The following PRKN variants were observed in gnomAD, a reference collection of about 807,000 sequenced individuals.
The protein encoded by PRKN is parkin RBR E3 ubiquitin protein ligase.
In PRKN, 56 loss-of-function variants were observed where a neutral mutation model predicts 59.5. That is an observed-to-expected ratio of 0.94 (90% CI 0.76 to 1.18). The LOEUF (loss-of-function observed/expected upper bound fraction) is 1.18, where lower values mean the gene tolerates loss of function less well. PRKN is among the 50% of genes most tolerant of loss of function. The pLI, the probability that PRKN is intolerant of heterozygous loss-of-function variation, is 0.00. For synonymous variants in PRKN, 250 were observed against 222.1 expected (o/e 1.13, Z -1.12); for missense variants, 657 against 596.4 (o/e 1.10, Z -1.06).
At chr6:162,089,590 T>G (rs1404875086) in intron 4 of PRKN, among the ~76,000 whole-genome samples, 1 of 152,128 alleles carries the variant, frequency 6.6e-6, no homozygotes, top group Non-Finnish European at 1.5e-5. Flanking sequence ...TCGTACATGA[T>G]CAGTAACAGC....
intron 2 of PRKN, among the ~76,000 whole-genome samples, chr6:162,283,523 A>G (rs1781020854): frequency 6.6e-6 from 1 of 152,176 alleles, no homozygotes; most frequent in African/African-American, 2.4e-5. Flanking sequence ...GTAGAGAAGC[A>G]TAGAGTGAAA....
intron 3 of PRKN, among the ~76,000 whole-genome samples, chr6:162,219,496 A>ATAC (rs1777841595): frequency 6.6e-6 from 1 of 152,144 alleles, no homozygotes; most frequent in South Asian, 2.1e-4. Context: ...TTTCTGCCAG[A>ATAC]GATGATTTTT....
chr6:161,351,146 AATAT>A (rs1339472459), intron 11 of PRKN, among the ~76,000 whole-genome samples: 2 of 129,302 alleles, frequency 1.5e-5, no homozygotes, highest in African/African-American at 5.8e-5. Context: ...TTATATTTAA[AATAT>A]ATATAAATAT....
intron 1 of PRKN, among the ~76,000 whole-genome samples, chr6:162,682,495 T>C (rs951821391): frequency 2.0e-5 from 3 of 152,068 alleles, no homozygotes; most frequent in African/African-American, 7.2e-5. Context: ...AGCAAATTAG[T>C]GCAAAAACAG....
At chr6:161,804,327 G>A (rs1791217495) in intron 6 of PRKN, among the ~76,000 whole-genome samples, 1 of 152,190 alleles carries the variant, frequency 6.6e-6, no homozygotes. Context: ...TGTGGACACT[G>A]ATAGGCAGGT....
chr6:161,422,455 T>C (rs962962390), intron 9 of PRKN, among the ~76,000 whole-genome samples: 5 of 152,098 alleles, frequency 3.3e-5, no homozygotes, highest in African/African-American at 1.2e-4. Context: ...TGCCTCGGCC[T>C]CCCAAAGTGC....
At chr6:161,500,881 T>C (rs920833146) in intron 9 of PRKN, among the ~76,000 whole-genome samples, 5 of 147,806 alleles carry the variant, frequency 3.4e-5, no homozygotes, top group Admixed American at 6.7e-5. Flanking sequence ...TTTTTCTTTT[T>C]TTTTTTTTTT....
At chr6:162,555,655 C>T (rs755565147) in intron 1 of PRKN, among the ~76,000 whole-genome samples, 1 of 151,878 alleles carries the variant, frequency 6.6e-6, no homozygotes, top group Non-Finnish European at 1.5e-5. Context: ...ATTTAAGTTT[C>T]ATCTATAAAT....
intron 2 of PRKN, among the ~76,000 whole-genome samples, chr6:162,418,155 C>A (rs1460431135): frequency 2.6e-5 from 4 of 152,052 alleles, no homozygotes; most frequent in Non-Finnish European, 5.9e-5. Context: ...TACATACATA[C>A]AATGGAATAT....
At chr6:162,661,144 C>G (rs1445636070) in intron 1 of PRKN, among the ~76,000 whole-genome samples, 1 of 151,926 alleles carries the variant, frequency 6.6e-6, no homozygotes, top group African/African-American at 2.4e-5. Flanking sequence ...GCCTGTAGTC[C>G]CAGCTACTCA....
chr6:162,617,595 G>C (rs972977174), intron 1 of PRKN, among the ~76,000 whole-genome samples: 2 of 138,720 alleles, frequency 1.4e-5, no homozygotes, highest in Non-Finnish European at 3.1e-5. Context: ...TAGCTAGCTA[G>C]AACTTTGTAC....
chr6:161,759,184 A>C (rs998288655), intron 7 of PRKN, among the ~76,000 whole-genome samples: 44 of 152,112 alleles, frequency 2.9e-4, no homozygotes, highest in Non-Finnish European at 5.4e-4. Context: ...AAAAAAAAAA[A>C]AACAAAATTA....
intron 7 of PRKN, among the ~76,000 whole-genome samples, chr6:161,650,083 G>T (rs982235843): frequency 3.2e-4 from 49 of 152,268 alleles, no homozygotes; most frequent in Admixed American, 2.9e-3. Context: ...AGTCCCCAGA[G>T]GTCAAGTTAT....
intron 1 of PRKN, among the ~76,000 whole-genome samples, chr6:162,542,157 T>A (rs1778952600): frequency 6.6e-6 from 1 of 152,184 alleles, no homozygotes; most frequent in African/African-American, 2.4e-5. Context: ...CTAAATATTT[T>A]CAGTTCAAGT....
intron 2 of PRKN, among the ~76,000 whole-genome samples, chr6:162,418,486 A>G (rs7775238): frequency 0.56 from 84,959 of 151,774 alleles, 24,882 homozygotes; most frequent in African/African-American, 0.73. Flanking sequence ...TGAAGTGCAT[A>G]GCATGTGGAC....
At position 161,613,655 on chromosome 6, in the gene PRKN, G is replaced by A. The variant is rs74298755; in HGVS notation, c.872-44239C>T. On this transcript the variant is annotated intron_variant, in intron 7 of 11. Coordinates refer to ENST00000366898, the MANE Select transcript of PRKN (RefSeq NM_004562.3). ...ACAGCCACGTCAAGCTTCAGCAGCC[G>A]CAACCCTGATCAGTCAGCAGCCATC... Among the ~76,000 whole-genome samples, 86 of 152,198 alleles carry A rather than the reference G, an allele frequency of 5.7e-4. 1 individual carries two copies. In the East Asian group the frequency reaches 0.011, roughly 20 times the overall value.
chr6:162,617,059 T>C (rs1345634555), intron 1 of PRKN, among the ~76,000 whole-genome samples: 2 of 152,176 alleles, frequency 1.3e-5, no homozygotes, highest in Admixed American at 1.3e-4. Context: ...TTTTAATTGA[T>C]AATAATTGTA....
rs1387892891 is a variant in PRKN at position 162,290,447 on chromosome 6, C to A, written c.172-27682G>T. On this transcript the variant is annotated intron_variant, in intron 2 of 11. Coordinates refer to ENST00000366898, the MANE Select transcript of PRKN (RefSeq NM_004562.3). The stretch of plus-strand genomic sequence containing the variant: ...TTTCCTTCTTAATAGAATTTAAATT[C>A]TTTGATTTAAAACATCATAATTTAT... 1.3e-5 allele frequency among the ~76,000 whole-genome samples: 2 copies of A among 151,960 alleles called. 1 individual carries two copies. The highest frequency in any genetic ancestry group is 2.9e-5 in the Non-Finnish European group (2 of 67,980).
At chr6:161,840,991 A>T (rs1246387816) in intron 6 of PRKN, among the ~76,000 whole-genome samples, 1 of 152,188 alleles carries the variant, frequency 6.6e-6, no homozygotes, top group African/African-American at 2.4e-5. Flanking sequence ...AAGTTCAGCC[A>T]CTGTGGAAGA....
Sources: gnomAD v4.1 joint callset for allele counts (sites outside exome capture counted in the v4.1 genomes callset) on GRCh38, gnomAD v4.1.1 for gene constraint, MANE v1.5 for transcripts, NCBI Gene and HGNC (gene_info 2026-07-23, HGNC 2026-07-21) for gene names.